IL1RAP: variants seen among roughly 807,000 people sequenced by gnomAD.
IL1RAP encodes the protein interleukin-1 receptor accessory protein.
In IL1RAP, 35 loss-of-function variants were observed where a neutral mutation model predicts 60.7. That is an observed-to-expected ratio of 0.58 (90% confidence interval 0.44 to 0.76). The LOEUF is 0.76. IL1RAP is among the 30% of genes least tolerant of loss of function. The probability of loss-of-function intolerance (pLI) is 0.00; values close to 1 mark genes in which losing one functional copy is unlikely to be tolerated. For synonymous variants in IL1RAP, 268 were observed against 250.9 expected, an observed-to-expected ratio of 1.07 and a Z score of -0.64; for missense variants, 572 against 693.9, an observed-to-expected ratio of 0.82 and a Z score of 1.97.
intron 3 of IL1RAP, among the ~76,000 whole-genome samples, chr3:190,566,415 A>T (rs1726404118): frequency 6.6e-6 from 1 of 152,126 alleles, no homozygotes; most frequent in South Asian, 2.1e-4. Context: ...GAAGCTAATG[A>T]GTGCTGGTGC....
chr3:190,641,167 G>A lies in IL1RAP; in HGVS notation c.1052-3081G>A, dbSNP rs550682461. On this transcript the variant is annotated intron_variant, in intron 9 of 11. Coordinates refer to ENST00000447382, the MANE Select transcript of IL1RAP (RefSeq NM_002182.4). ...TTTAGTTGAGACAGGGTTTCTCCAT[G>A]TTGGTCAGGCTGGTCTCAAACTCCC... Among the ~76,000 whole-genome samples the A allele has an allele frequency of 7.7e-4, 118 of 152,298 alleles. 1 individual carries two copies. Among genetic ancestry groups the A allele is most frequent in the African/African-American group, 2.8e-3 (117 of 41,562 alleles).
chr3:190,603,043 T>C (rs1031090155), intron 3 of IL1RAP, among the ~76,000 whole-genome samples: 2 of 152,172 alleles, frequency 1.3e-5, no homozygotes, highest in African/African-American at 2.4e-5. Flanking sequence ...TGTTTTTTTT[T>C]CTGAGTAGAT....
intron 9 of IL1RAP, among the ~76,000 whole-genome samples, chr3:190,634,415 A>C (rs1733030495): frequency 6.6e-6 from 1 of 150,956 alleles, no homozygotes; most frequent in South Asian, 2.1e-4. Flanking sequence ...CAGCCTCCTG[A>C]GTAGCTGGGA....
intron 9 of IL1RAP, among the ~76,000 whole-genome samples, chr3:190,640,118 A>G (rs1295086539): frequency 2.0e-5 from 3 of 152,366 alleles, no homozygotes; most frequent in African/African-American, 7.2e-5. Context: ...AATCTGACTC[A>G]ACAGCAGCCT....
At chr3:190,623,812 A>G (rs1731987539) in intron 7 of IL1RAP, among the ~76,000 whole-genome samples, 1 of 152,380 alleles carries the variant, frequency 6.6e-6, no homozygotes, top group South Asian at 2.1e-4. Context: ...GACTGTGAAT[A>G]TAATAGCTAA....
intron 1 of IL1RAP, among the ~76,000 whole-genome samples, chr3:190,536,791 A>G (rs1723499203): frequency 6.6e-6 from 1 of 152,220 alleles, no homozygotes; most frequent in African/African-American, 2.4e-5. Context: ...ACAAAAAGAA[A>G]TGTAATTACA....
chr3:190,542,026 C>G (rs563730513), intron 1 of IL1RAP, among the ~76,000 whole-genome samples: 1 of 152,094 alleles, frequency 6.6e-6, no homozygotes, highest in Non-Finnish European at 1.5e-5. Flanking sequence ...CTGTGCAGTT[C>G]CCCAGAAATG....
chr3:190,629,213 T>C (rs1286904736), intron 8 of IL1RAP, 137 bp from the exon 9 acceptor site: 3 of 596,272 alleles, frequency 5.0e-6, no homozygotes, highest in Non-Finnish European at 9.0e-6. Flanking sequence ...CACTGCATTA[T>C]AGGTGGCTCA....
rs118050148 is a variant in IL1RAP at position 190,658,379 on chromosome 3, A to T, written c.*1772A>T. On this transcript the variant is annotated 3_prime_UTR_variant, in exon 12 of 12. Transcript: ENST00000317757. ...AACTGGAAGACACAGGTTGGCTCTA[A>T]GGACATAGTGGAGCATGTTTATCCT... 1.3e-4 allele frequency: 20 copies of T among 152,356 alleles called. 1 individual carries two copies. The East Asian group carries it at 3.7e-3, about 28-fold the overall frequency. 9.4% of individuals were successfully genotyped at this position (152,356 alleles called of 1,614,324 possible). A position where few individuals can be genotyped will look rare whatever the true frequency, so the allele number is the denominator to read the frequency against.
chr3:190,586,812 G>A lies in IL1RAP; in HGVS notation c.65-17316G>A, dbSNP rs189102324. Among the ~76,000 whole-genome samples the A allele has an allele frequency of 8.6e-4, 129 of 149,362 alleles. 1 individual carries two copies. Among genetic ancestry groups the A allele is most frequent in the Non-Finnish European group, 6.5e-4 (44 of 68,002 alleles). The stretch of plus-strand genomic sequence containing the variant: ...GAAAGTTAAGCATGAAGGTAGCTTC[G>A]GAGTCTCCACTGGAAACAGGACTAT... On this transcript the variant is annotated intron_variant, in intron 3 of 11. Transcript: ENST00000447382.
At chr3:190,521,993 A>C (rs1035311751) in intron 1 of IL1RAP, among the ~76,000 whole-genome samples, 1 of 152,144 alleles carries the variant, frequency 6.6e-6, no homozygotes, top group African/African-American at 2.4e-5. Flanking sequence ...CTTAGTGCCC[A>C]CAGAAGAGGC....
chr3:190,520,238 G>A (rs1721893735), intron 1 of IL1RAP, among the ~76,000 whole-genome samples: 1 of 152,184 alleles, frequency 6.6e-6, no homozygotes, highest in South Asian at 2.1e-4. Flanking sequence ...TCATACATAA[G>A]AAGGGCAAAA....
At chr3:190,597,884 T>G (rs376413156) in intron 3 of IL1RAP, among the ~76,000 whole-genome samples, 26 of 152,196 alleles carry the variant, frequency 1.7e-4, no homozygotes, top group African/African-American at 4.6e-4. Context: ...TCATCTATCT[T>G]ACTATTAATT....
At chr3:190,589,684 G>C (rs915296955) in intron 3 of IL1RAP, among the ~76,000 whole-genome samples, 3 of 152,154 alleles carry the variant, frequency 2.0e-5, no homozygotes, top group African/African-American at 7.2e-5. Flanking sequence ...TGCACATCTT[G>C]AGGCGGGGAA....
At position 190,648,461 on chromosome 3, in the gene IL1RAP, T is replaced by G; in HGVS notation, c.1469T>G (p.Met490Arg). 1.2e-6 allele frequency: 2 copies of G among 1,614,158 alleles called. No individual in the cohort carries two copies. The highest frequency in any genetic ancestry group is 1.7e-6 in the Non-Finnish European group (2 of 1,180,018). ...LLELKAGLEN[M>R]ASRGNINVIL... is the part of the protein sequence containing the mutation. ...GAGCTCAAGGCTGGCCTAGAAAATATGGCCTCTCGGGGCAACATCAACGTC... is the reference window on the plus strand; with the variant it reads ...GAGCTCAAGGCTGGCCTAGAAAATAGGGCCTCTCGGGGCAACATCAACGTC... Residue 490 changes from methionine to arginine, a missense_variant, in exon 12 of 12, where the codon ATG (methionine) becomes AGG (arginine). Met to Arg is a moderately conservative substitution (Grantham distance 91). Coordinates refer to ENST00000447382, the MANE Select transcript of IL1RAP (RefSeq NM_002182.4).
chr3:190,649,703 T>C lies in IL1RAP; in HGVS notation c.*998T>C. On this transcript the variant is annotated 3_prime_UTR_variant, in exon 12 of 12. Transcript: ENST00000447382. The stretch of plus-strand genomic sequence containing the variant: ...CATTGTAAAGGGCGGAGGTCAGTCT[T>C]AGTGGCCTTGAGAGTTGCTTTTGGC... 1.0e-6 allele frequency: 1 copy of C among 985,862 alleles called. No homozygotes were observed. Among genetic ancestry groups the C allele is most frequent in the Non-Finnish European group, 1.2e-6 (1 of 829,904 alleles). 61.1% of individuals were successfully genotyped at this position (985,862 alleles called of 1,614,324 possible). A position where few individuals can be genotyped will look rare whatever the true frequency, so the allele number is the denominator to read the frequency against.
At chr3:190,643,511 G>GAAACTGCA (rs138142508) in intron 9 of IL1RAP, among the ~76,000 whole-genome samples, 89 of 149,892 alleles carry the variant, frequency 5.9e-4, no homozygotes, top group Non-Finnish European at 1.2e-3. Context: ...TACTTCCAAA[G>GAAACTGCA]AAACTGCAAA....
intron 1 of IL1RAP, among the ~76,000 whole-genome samples, chr3:190,525,450 G>A (rs1314005415): frequency 2.0e-5 from 3 of 152,202 alleles, no homozygotes; most frequent in African/African-American, 7.2e-5. Flanking sequence ...GGTCTTGCAG[G>A]CTATGGTGAG....
At chr3:190,565,358 G>T (rs915678638) in intron 3 of IL1RAP, among the ~76,000 whole-genome samples, 6 of 152,130 alleles carry the variant, frequency 3.9e-5, no homozygotes, top group African/African-American at 1.4e-4. Flanking sequence ...GAGGGCTTCT[G>T]CAATGTTAAG....
Sources: allele counts gnomAD v4.1 joint callset (sites outside exome capture counted in the v4.1 genomes callset), GRCh38; gene constraint gnomAD v4.1.1; transcripts MANE v1.5; gene names NCBI Gene and HGNC (gene_info 2026-07-23, HGNC 2026-07-21).